Variants in TACR1 observed in about 807,000 individuals in gnomAD.
The protein encoded by TACR1 is substance-P receptor.
A neutral mutation model predicts 35.8 loss-of-function variants in TACR1; 25 were observed. The observed-to-expected ratio is 0.70, with a 90% CI of 0.51 to 0.98. The LOEUF is 0.98. TACR1 is among the 50% of genes least tolerant of loss of function. TACR1 has a pLI of 0.00. For synonymous variants in TACR1, 195 were observed against 206.7 expected (o/e 0.94, Z 0.48); for missense variants, 478 against 522.9 (o/e 0.91, Z 0.84).
At chr2:75,106,887 A>C (rs1673655647) in intron 2 of TACR1, among the ~76,000 whole-genome samples, 1 of 151,878 alleles carries the variant, frequency 6.6e-6, no homozygotes, top group African/African-American at 2.4e-5. Flanking sequence ...ATGATGAAAG[A>C]AGACCAACTA....
chr2:75,067,261 C>A (rs1347767401), intron 2 of TACR1, among the ~76,000 whole-genome samples: 1 of 152,196 alleles, frequency 6.6e-6, no homozygotes, highest in Admixed American at 6.5e-5. Flanking sequence ...GATGCTGAAT[C>A]ATGCAGATTT....
At chr2:75,110,392 G>A (rs1673728112) in intron 2 of TACR1, among the ~76,000 whole-genome samples, 2 of 151,440 alleles carry the variant, frequency 1.3e-5, no homozygotes, top group South Asian at 2.1e-4. Context: ...TTTATTTTCA[G>A]TATAGATAAA....
chr2:75,109,353 C>A (rs1025128207), intron 2 of TACR1, among the ~76,000 whole-genome samples: 4 of 152,090 alleles, frequency 2.6e-5, no homozygotes, highest in African/African-American at 7.2e-5. Context: ...AGGGCAGAAC[C>A]ACAGCAAAGC....
chr2:75,146,139 T>C (rs1172351802), intron 1 of TACR1, among the ~76,000 whole-genome samples: 1 of 152,128 alleles, frequency 6.6e-6, no homozygotes, highest in Non-Finnish European at 1.5e-5. Flanking sequence ...TTTCTATTTT[T>C]TCAGATGGTG....
chr2:75,154,761 A>G (rs1030653249), intron 1 of TACR1, among the ~76,000 whole-genome samples: 5 of 151,660 alleles, frequency 3.3e-5, no homozygotes, highest in Admixed American at 2.0e-4. Flanking sequence ...CTCCCTGTCT[A>G]TCTACCCTGC....
chr2:75,183,065 A>G (rs1437083835), intron 1 of TACR1, among the ~76,000 whole-genome samples: 1 of 152,248 alleles, frequency 6.6e-6, no homozygotes, highest in African/African-American at 2.4e-5. Context: ...TATATGATGT[A>G]GGAGCTCTAT....
At chr2:75,071,624 G>C (rs1672882991) in intron 2 of TACR1, among the ~76,000 whole-genome samples, 1 of 152,144 alleles carries the variant, frequency 6.6e-6, no homozygotes, top group Non-Finnish European at 1.5e-5. Context: ...CACAGATTAA[G>C]TTTTCTAAAA....
intron 2 of TACR1, among the ~76,000 whole-genome samples, chr2:75,109,393 T>C (rs1247751469): frequency 1.3e-5 from 2 of 152,136 alleles, no homozygotes; most frequent in African/African-American, 2.4e-5. Flanking sequence ...ATCTGGAATT[T>C]AAAGACTTGA....
chr2:75,112,386 C>G (rs1271570291), intron 2 of TACR1, among the ~76,000 whole-genome samples: 1 of 151,818 alleles, frequency 6.6e-6, no homozygotes, highest in Non-Finnish European at 1.5e-5. Flanking sequence ...TATCAAACTG[C>G]CTAAACGTAC....
intron 1 of TACR1, among the ~76,000 whole-genome samples, chr2:75,158,120 C>G (rs1342335010): frequency 6.6e-6 from 1 of 152,184 alleles, no homozygotes; most frequent in Non-Finnish European, 1.5e-5. Flanking sequence ...ATACAAGACT[C>G]CAACTATGAC....
At chr2:75,177,884 A>G (rs1321989896) in intron 1 of TACR1, among the ~76,000 whole-genome samples, 1 of 152,314 alleles carries the variant, frequency 6.6e-6, no homozygotes, top group East Asian at 1.9e-4. Flanking sequence ...TTCACCCTCC[A>G]GCTCCACAAC....
At chr2:75,100,424 C>CT (rs1673515302) in intron 2 of TACR1, among the ~76,000 whole-genome samples, 1 of 152,050 alleles carries the variant, frequency 6.6e-6, no homozygotes, top group South Asian at 2.1e-4. Context: ...ATTTGGAATT[C>CT]TTTTTTCCAA....
chr2:75,054,082 GATCAGTTCA>G (rs1672525304), intron 2 of TACR1, among the ~76,000 whole-genome samples: 2 of 152,062 alleles, frequency 1.3e-5, no homozygotes, highest in Non-Finnish European at 1.5e-5. Context: ...TTCAGTTGAT[GATCAGTTCA>G]ATATCACTTG....
rs759153892 is a variant in TACR1, at chr2:75,051,287, A to G, written c.896T>C (p.Met299Thr). Residue 299 changes from methionine to threonine, a missense_variant, in exon 4 of 5, where the codon ATG becomes ACG. Met to Thr is a moderately conservative substitution (Grantham distance 81). Coordinates refer to ENST00000305249, the MANE Select transcript of TACR1 (RefSeq NM_001058.4). ...GCAGCAGTAGATGATGGGGTTGTAC[A>G]TGGTGGAGCTCATGGCCAGCCACAT... ...AIMWLAMSST[M>T]YNPIIYCCLN... 5 of 1,614,208 alleles carry G rather than the reference A, an allele frequency of 3.1e-6. No individual in the cohort carries two copies. The highest frequency in any genetic ancestry group is 2.2e-5 in the East Asian group (1 of 44,878).
intron 1 of TACR1, among the ~76,000 whole-genome samples, chr2:75,152,666 CA>C (rs1383065929): frequency 3.9e-5 from 6 of 152,160 alleles, no homozygotes; most frequent in Non-Finnish European, 7.3e-5. Flanking sequence ...GGAAGCTTAA[CA>C]GTTGGTACAT....
chr2:75,086,645 T>G (rs1339389769), intron 2 of TACR1, among the ~76,000 whole-genome samples: 3 of 152,176 alleles, frequency 2.0e-5, no homozygotes, highest in Non-Finnish European at 4.4e-5. Flanking sequence ...AAGGGCCTGG[T>G]CAAGGTTTTG....
chr2:75,134,266 C>T (rs1041974248), intron 1 of TACR1, among the ~76,000 whole-genome samples: 2 of 152,180 alleles, frequency 1.3e-5, no homozygotes, highest in African/African-American at 4.8e-5. Context: ...TCCAAGAACC[C>T]TCTCTTGGGG....
At chr2:75,156,478 C>G (rs1028161391) in intron 1 of TACR1, among the ~76,000 whole-genome samples, 2 of 151,488 alleles carry the variant, frequency 1.3e-5, no homozygotes, top group Admixed American at 1.3e-4. Context: ...TGGCAGGCCC[C>G]TGTGGTCCCA....
intron 1 of TACR1, chr2:75,186,728 A>C (rs1428867087): frequency 1.3e-5 from 2 of 151,554 alleles, no homozygotes; most frequent in African/African-American, 4.8e-5. Context: ...TCATCTGCTT[A>C]ATCAGAATGT....
Sources: allele counts gnomAD v4.1 joint callset (sites outside exome capture counted in the v4.1 genomes callset), GRCh38; gene constraint gnomAD v4.1.1; transcripts MANE v1.5; gene names NCBI Gene and HGNC (gene_info 2026-07-23, HGNC 2026-07-21).